The following MTMR3 variants were observed in gnomAD, a reference collection of about 807,000 sequenced individuals.
MTMR3 encodes the protein phosphatidylinositol-3,5-bisphosphate 3-phosphatase MTMR3.
Under a neutral mutation model 132.4 loss-of-function variants are expected in MTMR3, and 32 were observed. The observed-to-expected ratio is 0.24, with a 90% CI of 0.18 to 0.32. The LOEUF is 0.32. MTMR3 is among the 10% of genes least tolerant of loss of function. The pLI, the probability that MTMR3 is intolerant of heterozygous loss-of-function variation, is 1.00. For synonymous variants in MTMR3, 556 were observed against 550.3 expected, an observed-to-expected ratio of 1.01 and a Z score of -0.14; for missense variants, 1,216 against 1,489.6, an observed-to-expected ratio of 0.82 and a Z score of 3.02.
chr22:29,918,851 G>C (rs753386816), intron 1 of MTMR3, among the ~76,000 whole-genome samples: 2 of 152,146 alleles, frequency 1.3e-5, no homozygotes, highest in South Asian at 4.1e-4. Flanking sequence ...AATATTATTT[G>C]CCTTTAAGAA....
chr22:29,885,670 TG>T (rs1390828681), intron 1 of MTMR3, among the ~76,000 whole-genome samples: 4 of 152,120 alleles, frequency 2.6e-5, no homozygotes, highest in African/African-American at 9.7e-5. Context: ...GAGGGTAGGA[TG>T]GGTGTGTTAG....
intron 1 of MTMR3, chr22:29,899,760 T>C (rs1160113524): frequency 6.6e-6 from 1 of 152,200 alleles, no homozygotes; most frequent in Non-Finnish European, 1.5e-5. Context: ...GAATAATGGT[T>C]ATCTTTGGTG....
intron 1 of MTMR3, among the ~76,000 whole-genome samples, chr22:29,930,171 C>T (rs943234257): frequency 3.3e-5 from 5 of 152,064 alleles, no homozygotes; most frequent in African/African-American, 4.8e-5. Context: ...AAATTCACTT[C>T]GTATATTTTG....
Position 30,016,513 on chromosome 22 carries a change from A to C in MTMR3, c.1504-15A>C. 6.2e-7 allele frequency: 1 copy of C among 1,612,098 alleles called. No individual in the cohort carries two copies. The highest frequency in any genetic ancestry group is 8.5e-7 in the Non-Finnish European group (1 of 1,178,918). On this transcript the variant is annotated splice_polypyrimidine_tract_variant and intron_variant, in intron 14 of 19. Transcript: ENST00000401950. ...TGCCTGATTGCTTAATTTGTGCTTC[A>C]TTGGACTTCCATAGGTGAAACTGGT...
Position 30,026,090 on chromosome 22 carries a change from A to G in MTMR3, c.*289A>G, listed in dbSNP as rs1421725837. 6.2e-6 allele frequency: 2 copies of G among 323,538 alleles called. No individual in the cohort carries two copies. Among genetic ancestry groups the G allele is most frequent in the East Asian group, 5.6e-5 (1 of 17,866 alleles). The allele number at this position is 323,538 out of a possible 1,614,324, so 20.0% of individuals were successfully genotyped here. ...TGGAAGACCAAGGGTTGCCAGGCCCACTGTAACTGCCGAGCTGCCTGCTGT... is the reference window on the plus strand; with the variant it reads ...TGGAAGACCAAGGGTTGCCAGGCCCGCTGTAACTGCCGAGCTGCCTGCTGT... On this transcript the variant is annotated 3_prime_UTR_variant, in exon 20 of 20. Transcript: ENST00000401950.
chr22:29,906,550 G>C (rs897540321), intron 1 of MTMR3, among the ~76,000 whole-genome samples: 1 of 151,572 alleles, frequency 6.6e-6, no homozygotes, highest in African/African-American at 2.4e-5. Context: ...TGGCCAGGCT[G>C]GTCTCCAACT....
chr22:29,932,850 T>C (rs983032727), intron 1 of MTMR3, among the ~76,000 whole-genome samples: 3 of 152,234 alleles, frequency 2.0e-5, no homozygotes, highest in Admixed American at 1.3e-4. Context: ...TTTTGTTTCA[T>C]GTGCTTTATT....
Position 30,019,809 on chromosome 22 carries a change from G to C in MTMR3, c.2150G>C (p.Gly717Ala). ...AHRAGIEIQE[G>A]KEDPLLEKES... Reference sequence around the variant, plus strand: ...AGGGCAGGCATTGAGATACAGGAGGGTAAAGAGGACCCTCTCTTAGAAAAG... The same window carrying C: ...AGGGCAGGCATTGAGATACAGGAGGCTAAAGAGGACCCTCTCTTAGAAAAG... The change falls in exon 17 of 20, where the codon GGT (glycine) becomes GCT (alanine). Residue 717 changes from glycine to alanine, a missense_variant. Physicochemically the swap from Gly to Ala is moderately conservative, Grantham distance 60. This residue lies in a region of MTMR3 where 852 missense variants were observed against 852.0 expected (regional missense o/e 1.00). Transcript: ENST00000401950. 3 of 1,614,196 alleles carry C rather than the reference G, an allele frequency of 1.9e-6. No homozygotes were observed. Among genetic ancestry groups the C allele is most frequent in the Non-Finnish European group, 2.5e-6 (3 of 1,180,038 alleles).
chr22:30,023,087 C>T, intron 19 of MTMR3: 1 of 392,970 alleles, frequency 2.5e-6, no homozygotes, highest in East Asian at 5.2e-5. Flanking sequence ...GCTCCCTGAC[C>T]CCACACTTGT....
intron 2 of MTMR3, among the ~76,000 whole-genome samples, chr22:29,957,715 A>G (rs749668132): frequency 4.6e-5 from 7 of 152,040 alleles, no homozygotes; most frequent in Non-Finnish European, 8.8e-5. Flanking sequence ...GAGTTTTCTT[A>G]AATTGGTATA....
At chr22:29,907,743 T>G (rs2065131100) in intron 1 of MTMR3, among the ~76,000 whole-genome samples, 2 of 152,254 alleles carry the variant, frequency 1.3e-5, no homozygotes, top group African/African-American at 4.8e-5. Context: ...TCATTCCCTC[T>G]CTTACTAAAA....
At chr22:30,018,850 C>T (rs192015703) in intron 16 of MTMR3, 1 of 152,200 alleles carries the variant, frequency 6.6e-6, no homozygotes, top group Non-Finnish European at 1.5e-5. Context: ...CAAGAAACAC[C>T]AGTGCTACTT....
intron 1 of MTMR3, among the ~76,000 whole-genome samples, chr22:29,934,347 C>T (rs1230286869): frequency 2.6e-5 from 4 of 151,994 alleles, no homozygotes; most frequent in African/African-American, 4.8e-5. Context: ...GAGAGAGACT[C>T]TGTCTCAAAG....
chr22:29,906,343 T>C (rs2065103500), intron 1 of MTMR3, among the ~76,000 whole-genome samples: 1 of 149,436 alleles, frequency 6.7e-6, no homozygotes, highest in Non-Finnish European at 1.5e-5. Flanking sequence ...TGTCTATCTA[T>C]CTATCTATGA....
chr22:29,993,112 C>T (rs954085078), intron 7 of MTMR3: 1 of 152,208 alleles, frequency 6.6e-6, no homozygotes, highest in Non-Finnish European at 1.5e-5. Flanking sequence ...CCTCTTGGAG[C>T]CTCAGGGAAA....
intron 1 of MTMR3, among the ~76,000 whole-genome samples, chr22:29,944,657 A>T (rs545394853): frequency 7.9e-5 from 12 of 152,298 alleles, no homozygotes; most frequent in African/African-American, 2.9e-4. Flanking sequence ...GTTACATTTT[A>T]AAGTTTTGCA....
chr22:29,886,200 A>G (rs1306831934), intron 1 of MTMR3, among the ~76,000 whole-genome samples: 1 of 152,236 alleles, frequency 6.6e-6, no homozygotes, highest in Non-Finnish European at 1.5e-5. Flanking sequence ...GCAATGGATT[A>G]AAGAGCCAAT....
chr22:29,892,358 T>C (rs1461475339), intron 1 of MTMR3, among the ~76,000 whole-genome samples: 1 of 152,186 alleles, frequency 6.6e-6, no homozygotes, highest in Non-Finnish European at 1.5e-5. Flanking sequence ...TAAAAAATTA[T>C]GTTTTTTGGA....
rs2145950427 is a variant in MTMR3 at position 30,012,479 on chromosome 22, A to G, written c.1233A>G (p.Val411=). ...AVDQDQRPVL[V]HCSDGWDRTP... ...ATCAGGATCAGCGGCCGGTGCTAGT[A>G]CACTGCTCAGATGGCTGGGACCGCA... The change falls in exon 13 of 20, where the codon GTA becomes GTG. Residue 411 remains valine, a synonymous_variant. Coordinates refer to ENST00000401950, the MANE Select transcript of MTMR3 (RefSeq NM_021090.4). 6.2e-7 allele frequency: 1 copy of G among 1,614,132 alleles called. No individual in the cohort carries two copies. Among genetic ancestry groups the G allele is most frequent in the Non-Finnish European group, 8.5e-7 (1 of 1,180,012 alleles).
Sources: allele counts gnomAD v4.1 joint callset (sites outside exome capture counted in the v4.1 genomes callset), GRCh38; gene constraint gnomAD v4.1.1; regional missense constraint gnomAD v4.1.1; transcripts MANE v1.5; gene names NCBI Gene and HGNC (gene_info 2026-07-23, HGNC 2026-07-21).